KLHL1: variants seen among roughly 807,000 people sequenced by gnomAD.
KLHL1 encodes the protein kelch-like protein 1.
Under a neutral mutation model 77.7 loss-of-function variants are expected in KLHL1, and 47 were observed. The ratio of observed to expected loss-of-function variants is 0.60; its 90% CI spans 0.48 to 0.77. KLHL1 has a LOEUF of 0.77. Ranked by LOEUF, KLHL1 falls within the 30% of genes least tolerant of loss-of-function variation. KLHL1 has a pLI of 0.00. For synonymous variants in KLHL1, 360 were observed against 325.2 expected (o/e 1.11, Z -1.15); for missense variants, 925 against 910.8 (o/e 1.02, Z -0.20).
At chr13:70,057,215 T>C (rs1429447715) in intron 1 of KLHL1, among the ~76,000 whole-genome samples, 3 of 151,942 alleles carry the variant, frequency 2.0e-5, no homozygotes, top group Non-Finnish European at 4.4e-5. Context: ...CCCATACAAC[T>C]TACCAAGATT....
At chr13:69,786,226 A>T (rs1214111290) in intron 7 of KLHL1, among the ~76,000 whole-genome samples, 12 of 152,358 alleles carry the variant, frequency 7.9e-5, no homozygotes, top group Admixed American at 2.0e-4. Context: ...TTAGACCAAT[A>T]TCCTTGATGA....
At chr13:70,092,370 C>A (rs1593737336) in intron 1 of KLHL1, among the ~76,000 whole-genome samples, 1 of 152,080 alleles carries the variant, frequency 6.6e-6, no homozygotes, top group East Asian at 1.9e-4. Context: ...GTTGCTTACT[C>A]CATTTAGAAC....
intron 3 of KLHL1, among the ~76,000 whole-genome samples, chr13:69,948,214 C>T (rs561787256): frequency 8.5e-5 from 13 of 152,224 alleles, no homozygotes; most frequent in African/African-American, 2.9e-4. Context: ...GTGACTTCCT[C>T]AATTTCTCTC....
chr13:69,772,472 A>G (rs1875618889), intron 7 of KLHL1, among the ~76,000 whole-genome samples: 1 of 152,090 alleles, frequency 6.6e-6, no homozygotes, highest in Non-Finnish European at 1.5e-5. Flanking sequence ...TGATACAGTC[A>G]CACCTCAAAT....
chr13:70,070,992 G>A (rs577598656), intron 1 of KLHL1, among the ~76,000 whole-genome samples: 8 of 151,694 alleles, frequency 5.3e-5, no homozygotes, highest in South Asian at 2.1e-4. Flanking sequence ...ACAAAAAATC[G>A]GAAGACAAAA....
chr13:69,784,882 ATTTTTTTTT>A (rs775109435), intron 7 of KLHL1, among the ~76,000 whole-genome samples: 13 of 79,502 alleles, frequency 1.6e-4, no homozygotes, highest in Non-Finnish European at 2.1e-4. Context: ...CAGAATATAC[ATTTTTTTTT>A]TTTTTTTTTT....
At chr13:69,713,552 C>T (rs1875976883) in intron 9 of KLHL1, among the ~76,000 whole-genome samples, 1 of 152,026 alleles carries the variant, frequency 6.6e-6, no homozygotes, top group African/African-American at 2.4e-5. Flanking sequence ...TATTAAGTTA[C>T]ATTTATTACT....
intron 9 of KLHL1, among the ~76,000 whole-genome samples, chr13:69,712,760 GTTT>G (rs67612326): frequency 7.9e-6 from 1 of 127,258 alleles, no homozygotes; most frequent in Admixed American, 7.8e-5. Flanking sequence ...TTTGTTTTTT[GTTT>G]TTTTTTTTTG....
At chr13:70,012,206 C>T (rs921153706) in intron 1 of KLHL1, among the ~76,000 whole-genome samples, 2 of 152,120 alleles carry the variant, frequency 1.3e-5, no homozygotes, top group Non-Finnish European at 2.9e-5. Flanking sequence ...TCACAGCATT[C>T]TTCAACTTTC....
intron 8 of KLHL1, among the ~76,000 whole-genome samples, chr13:69,737,530 T>C (rs1873812173): frequency 6.6e-6 from 1 of 152,184 alleles, no homozygotes; most frequent in Non-Finnish European, 1.5e-5. Flanking sequence ...GTGGCTCCAG[T>C]CAGCTGTTTC....
At chr13:69,870,522 A>T (rs1468131277) in intron 5 of KLHL1, among the ~76,000 whole-genome samples, 1 of 152,004 alleles carries the variant, frequency 6.6e-6, no homozygotes, top group Non-Finnish European at 1.5e-5. Flanking sequence ...ACAAAATATC[A>T]TCATGCCACC....
intron 2 of KLHL1, among the ~76,000 whole-genome samples, chr13:69,973,010 T>G (rs1884435891): frequency 1.3e-5 from 2 of 151,958 alleles, no homozygotes; most frequent in Admixed American, 6.6e-5. Context: ...GGGCTATTTG[T>G]GAGAAAGTGA....
intron 4 of KLHL1, among the ~76,000 whole-genome samples, chr13:69,892,642 T>G (rs1222932780): frequency 1.3e-5 from 2 of 152,308 alleles, no homozygotes; most frequent in East Asian, 3.9e-4. Context: ...ACTAAAGAAT[T>G]TTATTGTCAA....
At chr13:70,099,213 T>C (rs1468360758) in intron 1 of KLHL1, among the ~76,000 whole-genome samples, 1 of 151,890 alleles carries the variant, frequency 6.6e-6, no homozygotes, top group Non-Finnish European at 1.5e-5. Flanking sequence ...AACACTACTA[T>C]TATTCAAGAC....
At chr13:69,825,430 C>G (rs979231791) in intron 6 of KLHL1, among the ~76,000 whole-genome samples, 10 of 151,848 alleles carry the variant, frequency 6.6e-5, no homozygotes, top group African/African-American at 2.4e-4. Context: ...GAAAAACCTG[C>G]CAGTTAAATT....
At chr13:69,828,246 T>C (rs116673002) in intron 6 of KLHL1, among the ~76,000 whole-genome samples, 2,412 of 150,406 alleles carry the variant, frequency 0.016, 248 homozygotes, top group African/African-American at 0.055. Context: ...AGCCTCCAAG[T>C]ACATATGCTC....
At chr13:69,801,844 G>T (rs1223395896) in intron 6 of KLHL1, among the ~76,000 whole-genome samples, 1 of 152,060 alleles carries the variant, frequency 6.6e-6, no homozygotes, top group Admixed American at 6.6e-5. Context: ...TTCCTACAAT[G>T]CCCATTGATT....
In KLHL1 at chr13:69,986,055, C is replaced by T. The variant is rs187608009; in HGVS notation, c.498-10253G>A. 1.3e-3 allele frequency among the ~76,000 whole-genome samples: 202 copies of T among 151,350 alleles called. 1 individual carries two copies. Among genetic ancestry groups the T allele is most frequent in the African/African-American group, 4.7e-3 (195 of 41,332 alleles). On this transcript the variant is annotated intron_variant, in intron 1 of 10. Coordinates refer to ENST00000377844, the MANE Select transcript of KLHL1 (RefSeq NM_020866.3). ...ACTATTCATACCCTCCAGGATATTA[C>T]TTTAAGTAAAATAAACCAAGTACTG... is the stretch of plus-strand genomic sequence containing the variant.
intron 3 of KLHL1, among the ~76,000 whole-genome samples, chr13:69,950,562 T>C (rs2137253931): frequency 6.6e-6 from 1 of 151,742 alleles, no homozygotes; most frequent in East Asian, 1.9e-4. Context: ...ATTTTGATTG[T>C]AAGAACAGTG....
Sources: allele counts gnomAD v4.1 joint callset (sites outside exome capture counted in the v4.1 genomes callset), GRCh38; gene constraint gnomAD v4.1.1; transcripts MANE v1.5; gene names NCBI Gene and HGNC (gene_info 2026-07-23, HGNC 2026-07-21).